The following ADGRE2 variants were observed in gnomAD, a reference collection of about 807,000 sequenced individuals.
The protein encoded by ADGRE2 is CD97 antigen.
A neutral mutation model predicts 100.8 loss-of-function variants in ADGRE2; 83 were observed. The ratio of observed to expected loss-of-function variants is 0.82; its 90% confidence interval spans 0.69 to 0.99. The LOEUF (loss-of-function observed/expected upper bound fraction) is 0.99. Among genes scored for constraint, ADGRE2 ranks in the 50% least tolerant of loss-of-function variants. The pLI is 0.00. For synonymous variants in ADGRE2, 355 were observed against 413.0 expected (o/e 0.86, Z 1.70); for missense variants, 814 against 1,035.7 (o/e 0.79, Z 2.94).
chr19:14,739,698 A>G (rs2042868263), intron 20 of ADGRE2, among the ~76,000 whole-genome samples: 1 of 152,206 alleles, frequency 6.6e-6, no homozygotes, highest in South Asian at 2.1e-4. Context: ...GACTTTGTAG[A>G]TACGGTTATG....
At chr19:14,777,108 CTG>C in intron 1 of ADGRE2, 181 bp from the exon 2 acceptor site, 1 of 985,388 alleles carries the variant, frequency 1.0e-6, no homozygotes. Context: ...CCTCTGGCCT[CTG>C]TGTGTTCCAG....
At chr19:14,737,297 C>T (rs1388473578) in intron 20 of ADGRE2, among the ~76,000 whole-genome samples, 3 of 151,950 alleles carry the variant, frequency 2.0e-5, no homozygotes, top group Non-Finnish European at 4.4e-5. Context: ...AAGTGATCCT[C>T]CTGCCTCAGC....
chr19:14,761,276 G>A (rs1457664160), intron 11 of ADGRE2, among the ~76,000 whole-genome samples: 3 of 152,040 alleles, frequency 2.0e-5, no homozygotes, highest in Non-Finnish European at 4.4e-5. Context: ...CGTGGTGGCG[G>A]GCGCCTGTAG....
chr19:14,738,352 A>G (rs2042820947), intron 20 of ADGRE2, among the ~76,000 whole-genome samples: 1 of 152,224 alleles, frequency 6.6e-6, no homozygotes. Flanking sequence ...TGTTAACCAC[A>G]TAAGATTTAA....
At chr19:14,731,290 C>A, downstream of ADGRE2, 1 of 1,148,378 alleles carries the variant, frequency 8.7e-7, no homozygotes, top group Non-Finnish European at 1.3e-6. Flanking sequence ...GACTCCAAAT[C>A]TGCAGATTCT....
intron 7 of ADGRE2, 100 bp from the exon 8 acceptor site, chr19:14,765,904 C>T (rs567684629): frequency 8.7e-6 from 14 of 1,603,966 alleles, no homozygotes; most frequent in Admixed American, 1.7e-5. Context: ...TTAGTGCCCC[C>T]CTTGGAGAGG....
rs2042688782 is a variant in ADGRE2, at chr19:14,732,975, CTA to C, written c.*3259_*3260del. ...TGGCGACCCCTGCTCTAGGTAGACTCTATGGGGATATGGGCTCTACACTCATA... is the reference window on the plus strand; with the variant it reads ...TGGCGACCCCTGCTCTAGGTAGACTCTGGGGATATGGGCTCTACACTCATA... On this transcript the variant is annotated 3_prime_UTR_variant, in exon 21 of 21. Transcript: ENST00000315576. 1 of 152,160 alleles carries C rather than the reference CTA, an allele frequency of 6.6e-6. No individual in the cohort carries two copies. The highest frequency in any genetic ancestry group is 6.5e-5 in the Admixed American group (1 of 15,270). The allele number at this position is 152,160 out of a possible 1,614,324, so 9.4% of individuals were successfully genotyped here.
intron 5 of ADGRE2, among the ~76,000 whole-genome samples, chr19:14,771,080 C>G (rs1345327058): frequency 6.6e-6 from 1 of 152,070 alleles, no homozygotes; most frequent in Non-Finnish European, 1.5e-5. Flanking sequence ...GTGAACCAGC[C>G]CCCCTGCTGG....
chr19:14,738,331 G>C (rs2042820149), intron 20 of ADGRE2, among the ~76,000 whole-genome samples: 1 of 152,152 alleles, frequency 6.6e-6, no homozygotes, highest in African/African-American at 2.4e-5. Flanking sequence ...AATGTTAGAA[G>C]TGTTATCTAT....
chr19:14,767,388 G>A (rs1324888390), intron 5 of ADGRE2, among the ~76,000 whole-genome samples: 2 of 151,940 alleles, frequency 1.3e-5, no homozygotes, highest in African/African-American at 2.4e-5. Flanking sequence ...ACAGGCGCCC[G>A]CCACCATGCC....
Position 14,752,084 on chromosome 19 carries a change from C to T in ADGRE2, c.1788+245G>A, listed in dbSNP as rs377165065. Among the ~76,000 whole-genome samples, 4 of 151,822 alleles carry T rather than the reference C, an allele frequency of 2.6e-5. No individual in the cohort carries two copies. The East Asian group carries it at 5.8e-4, about 22-fold the overall frequency. Reference sequence around the variant, plus strand: ...GAGTAACTGGGATTACAGGTATGCGCCACCATGCCTGGCTAATTTTGTATT... The same window carrying T: ...GAGTAACTGGGATTACAGGTATGCGTCACCATGCCTGGCTAATTTTGTATT... On this transcript the variant is annotated intron_variant, in intron 15 of 20. Coordinates refer to ENST00000315576, the MANE Select transcript of ADGRE2 (RefSeq NM_013447.4).
chr19:14,776,964 A>G, intron 1 of ADGRE2, 37 bp from the exon 2 acceptor site: 1 of 1,210,936 alleles, frequency 8.3e-7, no homozygotes. Context: ...AAAACACAGA[A>G]CCAGGGGCGC....
rs1437107248 is a variant in ADGRE2 at position 14,735,083 on chromosome 19, T to A, written c.*1153A>T. ...CATTCACCCGTGGAAGCTTCCAGCT[T>A]GCTTGTCTATGTCTGCAGCTCGATT... On this transcript the variant is annotated 3_prime_UTR_variant, in exon 21 of 21. Transcript: ENST00000315576. The A allele has an allele frequency of 6.6e-6, 1 of 152,218 alleles. No individual in the cohort carries two copies. Among genetic ancestry groups the A allele is most frequent in the African/African-American group, 2.4e-5 (1 of 41,450 alleles). 9.4% of individuals were successfully genotyped at this position (152,218 alleles called of 1,614,324 possible). A position where few individuals can be genotyped will look rare whatever the true frequency, so the allele number is the denominator to read the frequency against.
chr19:14,777,354 G>A lies in ADGRE2; in HGVS notation c.-171-427C>T, dbSNP rs551756099. Among the ~76,000 whole-genome samples, 8 of 152,354 alleles carry A rather than the reference G, an allele frequency of 5.3e-5. No individual in the cohort carries two copies. In the South Asian group the frequency reaches 1.7e-3, roughly 32 times the overall value. ...TTCCAGATGAGGAAACTGAGGCCAG[G>A]TACAGAGGCTCACGCCTGTGATCCC... On this transcript the variant is annotated intron_variant, in intron 1 of 20. Coordinates refer to ENST00000315576, the MANE Select transcript of ADGRE2 (RefSeq NM_013447.4).
At chr19:14,731,166 C>T, downstream of ADGRE2, 1 of 1,534,318 alleles carries the variant, frequency 6.5e-7, no homozygotes, top group South Asian at 1.2e-5. Flanking sequence ...CTTATAATTC[C>T]CTTTTCAGCC....
In ADGRE2 at chr19:14,765,416, T is replaced by A; in HGVS notation, c.829-19A>T. 6.2e-7 allele frequency: 1 copy of A among 1,614,044 alleles called. No homozygotes were observed. Among genetic ancestry groups the A allele is most frequent in the Non-Finnish European group, 8.5e-7 (1 of 1,179,964 alleles). ...AAAGCGTCTGCAGAGAGAGGAGATGTGGGGGTCAGAGAGCCTGGACGGCGG... is the reference window on the plus strand; with the variant it reads ...AAAGCGTCTGCAGAGAGAGGAGATGAGGGGGTCAGAGAGCCTGGACGGCGG... On this transcript the variant is annotated intron_variant, in intron 9 of 20. Transcript: ENST00000315576.
Position 14,735,547 on chromosome 19 carries a change from G to C in ADGRE2, c.*689C>G, listed in dbSNP as rs1305115434. 1.3e-5 allele frequency: 2 copies of C among 152,170 alleles called. No homozygotes were observed. The highest frequency in any genetic ancestry group is 4.1e-4 in the South Asian group (2 of 4,828). 9.4% of individuals were successfully genotyped at this position (152,170 alleles called of 1,614,324 possible). A position where few individuals can be genotyped will look rare whatever the true frequency, so the allele number is the denominator to read the frequency against. On this transcript the variant is annotated 3_prime_UTR_variant, in exon 21 of 21. Transcript: ENST00000315576. The stretch of plus-strand genomic sequence containing the variant: ...CCGATCTGAGATTAGAAACTTTTCT[G>C]CATGTTGGTGTGAAGACGAAAGAAG...
intron 18 of ADGRE2, among the ~76,000 whole-genome samples, chr19:14,744,095 A>C (rs2043010921): frequency 6.6e-6 from 1 of 151,906 alleles, no homozygotes; most frequent in Non-Finnish European, 1.5e-5. Flanking sequence ...TACAAAAATT[A>C]GCCAGGTGTG....
intron 11 of ADGRE2, among the ~76,000 whole-genome samples, chr19:14,759,503 A>ATATATTTTT (rs60789454): frequency 1.4e-3 from 188 of 133,368 alleles, no homozygotes; most frequent in African/African-American, 4.5e-3. Flanking sequence ...ATATATATAT[A>ATATATTTTT]TTTTTTTTTT....
Sources: gnomAD v4.1 joint callset for allele counts (sites outside exome capture counted in the v4.1 genomes callset) on GRCh38, gnomAD v4.1.1 for gene constraint, MANE v1.5 for transcripts, NCBI Gene and HGNC (gene_info 2026-07-23, HGNC 2026-07-21) for gene names.